Variants in CARS1 observed in about 807,000 individuals in gnomAD.
CARS1 encodes cysteine--tRNA ligase, cytoplasmic.
In CARS1, 48 loss-of-function variants were observed where a neutral mutation model predicts 106.2. The ratio of observed to expected loss-of-function variants is 0.45; its 90% CI spans 0.36 to 0.57. CARS1 has a LOEUF of 0.57. CARS1 is among the 20% of genes least tolerant of loss of function. CARS1 has a pLI of 0.00. For missense variants in CARS1, 968 were observed against 1,057.2 expected (o/e 0.92, Z 1.17); for synonymous variants, 409 against 403.4 (o/e 1.01, Z -0.17).
intron 7 of CARS1, among the ~76,000 whole-genome samples, chr11:3,032,198 G>C (rs749935194): frequency 1.1e-4 from 17 of 151,516 alleles, no homozygotes; most frequent in Admixed American, 1.1e-3. Flanking sequence ...TCAGCCTCCC[G>C]AGTAGAAGGG....
Position 3,050,965 on chromosome 11 carries a change from G to A in CARS1, c.26-2964C>T, listed in dbSNP as rs1855623587. Among the ~76,000 whole-genome samples, 1 of 152,212 alleles carries A rather than the reference G, an allele frequency of 6.6e-6. No homozygotes were observed. Among genetic ancestry groups the A allele is most frequent in the African/African-American group, 2.4e-5 (1 of 41,452 alleles). On this transcript the variant is annotated intron_variant, in intron 1 of 22. Coordinates refer to ENST00000380525, the MANE Select transcript of CARS1 (RefSeq NM_001014437.3). This position sits in a 1 kb window ranked among gnomAD's most constrained non-coding sequence, Gnocchi z 6.3. ...CTCGATCTTCAGCATCTACAACTGA[G>A]CGTGTGACATTCCAGATATCAGCTA...
At position 3,057,388 on chromosome 11, in the gene CARS1, C is replaced by A; in HGVS notation, c.-21G>T. 6.2e-7 allele frequency: 1 copy of A among 1,608,022 alleles called. No homozygotes were observed. The highest frequency in any genetic ancestry group is 2.2e-5 in the East Asian group (1 of 44,736). Reference sequence around the variant, plus strand: ...GCCATGGCTGGGAATCCCGGACCCGCAGCTGCGGCTACAGACACTTCCTAG... The same window carrying A: ...GCCATGGCTGGGAATCCCGGACCCGAAGCTGCGGCTACAGACACTTCCTAG... On this transcript the variant is annotated 5_prime_UTR_variant, in exon 1 of 23. Transcript: ENST00000380525.
chr11:3,057,020 G>A (rs1211975440), intron 1 of CARS1, among the ~76,000 whole-genome samples: 2 of 152,098 alleles, frequency 1.3e-5, no homozygotes, highest in Admixed American at 6.6e-5. Context: ...TCGGAGCCGG[G>A]CACCCGTTGT....
chr11:3,018,612 G>C lies in CARS1; in HGVS notation c.1525+8C>G. The C allele has an allele frequency of 6.2e-7, 1 of 1,614,200 alleles. No individual in the cohort carries two copies. The highest frequency in any genetic ancestry group is 8.5e-7 in the Non-Finnish European group (1 of 1,180,018). On this transcript the variant is annotated splice_region_variant and intron_variant, in intron 13 of 22. Transcript: ENST00000380525. ...GTTGGGGGGTCTGTGGGAGAAGCCA[G>C]TGTATACCTGAGTGCTTTTTCAAGG... is the stretch of plus-strand genomic sequence containing the variant.
Position 3,041,546 on chromosome 11 carries a change from C to T in CARS1, c.367-562G>A, listed in dbSNP as rs898356559. On this transcript the variant is annotated intron_variant, in intron 3 of 22. Transcript: ENST00000380525. This position sits in a 1 kb window ranked among gnomAD's most constrained non-coding sequence, Gnocchi z 4.9. ...CCTCAGACCTCTCTGGGGGCATCAT[C>T]CTCAACCAGTTTCCCAAGGAAGGCC... 6.6e-6 allele frequency among the ~76,000 whole-genome samples: 1 copy of T among 152,102 alleles called. No individual in the cohort carries two copies. The highest frequency in any genetic ancestry group is 2.4e-5 in the African/African-American group (1 of 41,422).
intron 7 of CARS1, among the ~76,000 whole-genome samples, chr11:3,036,316 G>T (rs978356318): frequency 9.2e-5 from 14 of 152,160 alleles, no homozygotes; most frequent in Non-Finnish European, 5.9e-5. Context: ...GGGAACCCCC[G>T]ACAGTCACTC....
intron 3 of CARS1, 102 bp downstream of exon 3, chr11:3,042,063 C>T: frequency 1.3e-6 from 1 of 786,566 alleles, no homozygotes. Flanking sequence ...CAGATCCCAA[C>T]ACAAGGAACA....
intron 18 of CARS1, chr11:3,007,231 A>T: frequency 1.9e-6 from 1 of 524,780 alleles, no homozygotes; most frequent in Non-Finnish European, 3.4e-6. Context: ...CAGAGCCAGG[A>T]GGAAGCATAG....
At position 3,039,945 on chromosome 11, in the gene CARS1, A is replaced by G. The variant is rs1854201958; in HGVS notation, c.456-14T>C. ...GAGATGTAGGACCTAAAGCAATGAA[A>G]AAACAAACATTTCCACACCAGACGA... On this transcript the variant is annotated splice_polypyrimidine_tract_variant and intron_variant, in intron 4 of 22. Transcript: ENST00000380525. The surrounding 1 kb of genome is among the most constrained non-coding windows in gnomAD (Gnocchi z 5.6). The G allele has an allele frequency of 3.6e-6, 5 of 1,405,530 alleles. No homozygotes were observed. Among genetic ancestry groups the G allele is most frequent in the Non-Finnish European group, 4.9e-6 (5 of 1,012,798 alleles). 87.1% of individuals were successfully genotyped at this position (1,405,530 alleles called of 1,614,324 possible).
At chr11:3,042,036 C>G (rs1854527584) in intron 3 of CARS1, 129 bp downstream of exon 3, 2 of 645,424 alleles carry the variant, frequency 3.1e-6, no homozygotes. Flanking sequence ...GATCTTAAAC[C>G]TGGATTTATG....
intron 7 of CARS1, among the ~76,000 whole-genome samples, chr11:3,033,144 T>C (rs1390756429): frequency 6.6e-6 from 1 of 152,096 alleles, no homozygotes; most frequent in Admixed American, 6.5e-5. Context: ...TTTTGTTTTT[T>C]TAAGAAACTG....
intron 20 of CARS1, 139 bp from the exon 21 acceptor site, chr11:3,002,739 G>T: frequency 7.0e-7 from 1 of 1,418,562 alleles, no homozygotes; most frequent in South Asian, 1.4e-5. Flanking sequence ...CCTCCCCACT[G>T]TGGGGAGACA....
At chr11:3,025,656 T>C (rs1590400087) in intron 10 of CARS1, among the ~76,000 whole-genome samples, 2 of 152,348 alleles carry the variant, frequency 1.3e-5, no homozygotes, top group East Asian at 3.9e-4. Flanking sequence ...CCCTGGCACA[T>C]TGCGGGAATC....
intron 10 of CARS1, 62 bp downstream of exon 10, chr11:3,026,614 C>T: frequency 2.5e-6 from 4 of 1,587,372 alleles, no homozygotes; most frequent in Admixed American, 3.5e-5. Flanking sequence ...CCTGCAAAGT[C>T]AACACAACCC....
chr11:3,040,322 T>C lies in CARS1; in HGVS notation c.456-391A>G, dbSNP rs898017565. 9 of 316,828 alleles carry C rather than the reference T, an allele frequency of 2.8e-5. No homozygotes were observed. Among genetic ancestry groups the C allele is most frequent in the Admixed American group, 4.8e-5 (1 of 20,902 alleles). The allele number at this position is 316,828 out of a possible 1,614,324, so 19.6% of individuals were successfully genotyped here. A position where few individuals can be genotyped will look rare whatever the true frequency, so the allele number is the denominator to read the frequency against. On this transcript the variant is annotated intron_variant, in intron 4 of 22. Transcript: ENST00000380525. This position sits in a 1 kb window ranked among gnomAD's most constrained non-coding sequence, Gnocchi z 5.8. The stretch of plus-strand genomic sequence containing the variant: ...GAAGTTTTTGGGGAATCAAAAGTTA[T>C]GTGTGGATTTTCAACTGTGCAGAGG...
rs568375202 is a variant in CARS1 at position 3,038,287 on chromosome 11, G to C, written c.652-88C>G. On this transcript the variant is annotated intron_variant, in intron 6 of 22. Transcript: ENST00000380525. The surrounding 1 kb of genome is among the most constrained non-coding windows in gnomAD (Gnocchi z 4.0). ...GGTGATTCCAGGTAGAAAACAGAACGGTTTTTCCCATGGCCCCATAGAGAT... is the reference window on the plus strand; with the variant it reads ...GGTGATTCCAGGTAGAAAACAGAACCGTTTTTCCCATGGCCCCATAGAGAT... 7.8e-7 allele frequency: 1 copy of C among 1,290,312 alleles called. No individual in the cohort carries two copies. 79.9% of individuals were successfully genotyped at this position (1,290,312 alleles called of 1,614,324 possible).
intron 21 of CARS1, 144 bp from the exon 22 acceptor site, chr11:3,002,197 A>G: frequency 2.9e-6 from 2 of 701,686 alleles, no homozygotes; most frequent in Non-Finnish European, 5.0e-6. Flanking sequence ...GGAAGGGGAA[A>G]GCCAAGGTGG....
At position 3,047,880 on chromosome 11, in the gene CARS1, G is replaced by T; in HGVS notation, c.147C>A (p.Asp49Glu). ...GCGGGGCCGAGAGCTGCCTGAACGC[G>T]TCCACGTCTGCCTGGGACAGTGAGT... is the stretch of plus-strand genomic sequence containing the variant. Reference protein sequence around the residue: ...QGYSLSQADVDAFRQLSAPPA... With the variant: ...QGYSLSQADVEAFRQLSAPPA... The change falls in exon 2 of 23, where the codon GAC (aspartate) becomes GAA (glutamate). Residue 49 changes from aspartate (D) to glutamate (E), a missense_variant. Physicochemically the swap from Asp to Glu is conservative, Grantham distance 45. Coordinates refer to ENST00000380525, the MANE Select transcript of CARS1 (RefSeq NM_001014437.3). 2.5e-6 allele frequency: 4 copies of T among 1,614,118 alleles called. No individual in the cohort carries two copies. Among genetic ancestry groups the T allele is most frequent in the Non-Finnish European group, 3.4e-6 (4 of 1,180,020 alleles).
In CARS1 at chr11:3,039,069, G is replaced by C; in HGVS notation, c.651+125C>G. 1 of 637,398 alleles carries C rather than the reference G, an allele frequency of 1.6e-6. No individual in the cohort carries two copies. The highest frequency in any genetic ancestry group is 2.7e-6 in the Non-Finnish European group (1 of 364,614). 39.5% of individuals were successfully genotyped at this position (637,398 alleles called of 1,614,324 possible). ...GACTTCAGCGCCCCTGACGGAACTG[G>C]CTTGAGTAACATACACTTTGTGAAA... On this transcript the variant is annotated intron_variant, in intron 6 of 22. Coordinates refer to ENST00000380525, the MANE Select transcript of CARS1 (RefSeq NM_001014437.3). The surrounding 1 kb of genome is among the most constrained non-coding windows in gnomAD (Gnocchi z 5.6).
Sources: allele counts gnomAD v4.1 joint callset (sites outside exome capture counted in the v4.1 genomes callset), GRCh38; gene constraint gnomAD v4.1.1; non-coding constraint Gnocchi (gnomAD v3.1); transcripts MANE v1.5; gene names NCBI Gene and HGNC (gene_info 2026-07-23, HGNC 2026-07-21).